The following NBPF9 variants were observed in gnomAD, a reference collection of about 807,000 sequenced individuals.
The protein encoded by NBPF9 is NBPF member 9.
A neutral mutation model predicts 97.8 loss-of-function variants in NBPF9; 91 were observed. The observed-to-expected ratio is 0.93, with a 90% CI of 0.79 to 1.11. The LOEUF (loss-of-function observed/expected upper bound fraction) is 1.11. Ranked by LOEUF, NBPF9 falls within the 50% of genes least tolerant of loss-of-function variation. The pLI is 0.00. For missense variants in NBPF9, 992 were observed against 939.5 expected (o/e 1.06, Z -0.73); for synonymous variants, 334 against 359.5 (o/e 0.93, Z 0.80).
chr1:149,087,248 A>G (rs2100327838), intron 5 of NBPF9, among the ~76,000 whole-genome samples: 59 of 147,172 alleles, frequency 4.0e-4, no homozygotes, highest in East Asian at 7.1e-4. Flanking sequence ...ATATATATAT[A>G]TGTGTGTGTG....
At position 149,082,416 on chromosome 1, in the gene NBPF9, G is replaced by A. The variant is rs1322585978; in HGVS notation, c.-180C>T. The A allele has an allele frequency of 9.7e-5, 96 of 990,228 alleles. No individual in the cohort carries two copies. Among genetic ancestry groups the A allele is most frequent in the African/African-American group, 9.6e-4 (55 of 57,438 alleles). The allele number at this position is 990,228 out of a possible 1,614,324, so 61.3% of individuals were successfully genotyped here. A position where few individuals can be genotyped will look rare whatever the true frequency, so the allele number is the denominator to read the frequency against. ...AAGAGTGAGGTAGATTGTGGCCAGC[G>A]TGCCAGGTAACCGTCTGCAGTTGCA... On this transcript the variant is annotated 5_prime_UTR_variant, in exon 6 of 30. The change creates a new upstream start codon in the 5' untranslated region. Coordinates refer to ENST00000584027, the Ensembl canonical transcript of NBPF9.
At chr1:149,071,359 C>G (rs2079393931) in intron 15 of NBPF9, among the ~76,000 whole-genome samples, 1 of 151,072 alleles carries the variant, frequency 6.6e-6, no homozygotes. Context: ...GTTCATTGCA[C>G]TGGACAGATA....
intron 5 of NBPF9, among the ~76,000 whole-genome samples, chr1:149,088,334 ACAGT>A (rs2081181163): frequency 6.8e-6 from 1 of 147,580 alleles, no homozygotes; most frequent in Admixed American, 6.6e-5. Context: ...GTTAACAAAC[ACAGT>A]CATTATCTGT....
intron 23 of NBPF9, chr1:149,060,920 C>A (rs1207891042): frequency 3.2e-5 from 13 of 404,354 alleles, no homozygotes; most frequent in African/African-American, 1.9e-4. Flanking sequence ...CACACACACA[C>A]ACACAAACAC....
intron 16 of NBPF9, among the ~76,000 whole-genome samples, chr1:149,070,028 G>A (rs1333984531): frequency 3.0e-5 from 4 of 133,266 alleles, no homozygotes; most frequent in Non-Finnish European, 6.3e-5. Context: ...CATGAAACAC[G>A]ACTGATAGAT....
exon 22 of NBPF9, chr1:149,062,182 T>A: frequency 1.1e-6 from 1 of 932,310 alleles, no homozygotes; most frequent in Non-Finnish European, 1.8e-6. Context: ...CAGTTCAAGA[T>A]AACCTGAAGG....
At chr1:149,061,825 T>C in intron 22 of NBPF9, 1 of 331,092 alleles carries the variant, frequency 3.0e-6, no homozygotes, top group Non-Finnish European at 5.3e-6. Context: ...CTGTGAATTT[T>C]TTACATCTGC....
At chr1:149,076,522 A>G (rs1473221597) in intron 11 of NBPF9, among the ~76,000 whole-genome samples, 1 of 137,574 alleles carries the variant, frequency 7.3e-6, no homozygotes, top group East Asian at 2.1e-4. Context: ...TTTTTTTTTG[A>G]GATGGAGTCT....
rs375977262 is a variant in NBPF9 at position 149,070,459 on chromosome 1, G to A, written c.1585+475C>T. 4.0e-4 allele frequency among the ~76,000 whole-genome samples: 60 copies of A among 151,770 alleles called. 1 individual carries two copies. Among genetic ancestry groups the A allele is most frequent in the East Asian group, 2.2e-3 (11 of 5,108 alleles). On this transcript the variant is annotated intron_variant, in intron 16 of 29. Coordinates refer to ENST00000584027, the Ensembl canonical transcript of NBPF9. Reference sequence around the variant, plus strand: ...ACCAAAGTAAAGAAGAAAAGTTTCCGTCCTGATTTCAGGGTGACTGTGCAG... The same window carrying A: ...ACCAAAGTAAAGAAGAAAAGTTTCCATCCTGATTTCAGGGTGACTGTGCAG...
chr1:149,070,490 C>G (rs1371335930), intron 16 of NBPF9, among the ~76,000 whole-genome samples: 2 of 151,630 alleles, frequency 1.3e-5, no homozygotes, highest in East Asian at 4.0e-4. Flanking sequence ...TGCAGCTAAG[C>G]AAGCTGACTT....
chr1:149,072,687 T>C, intron 14 of NBPF9, 31 bp downstream of exon 14: 2 of 1,611,046 alleles, frequency 1.2e-6, no homozygotes, highest in Non-Finnish European at 1.7e-6. Flanking sequence ...AGCCTGGGGT[T>C]TTGGGTCAAC....
exon 30 of NBPF9, chr1:149,055,739 G>C (rs1553648658): frequency 2.5e-6 from 4 of 1,611,822 alleles, no homozygotes; most frequent in Non-Finnish European, 2.5e-6. Context: ...TCCACGTAAA[G>C]GGCGAAGCTG....
chr1:149,084,339 TATA>T (rs1332325335), intron 5 of NBPF9, among the ~76,000 whole-genome samples: 2 of 147,560 alleles, frequency 1.4e-5, no homozygotes, highest in African/African-American at 2.5e-5. Flanking sequence ...CATGAATATA[TATA>T]ATATATATAC....
intron 4 of NBPF9, among the ~76,000 whole-genome samples, chr1:149,097,053 G>A (rs1289587562): frequency 6.7e-6 from 1 of 148,394 alleles, no homozygotes; most frequent in African/African-American, 2.5e-5. Flanking sequence ...AGGAAAGAAT[G>A]GAGGGAGGGA....
rs1553652282 is a variant in NBPF9 at position 149,068,559 on chromosome 1, T to C, written c.1637+1035A>G. Among the ~76,000 whole-genome samples the C allele has an allele frequency of 1.3e-5, 2 of 151,608 alleles. 1 individual carries two copies. Among genetic ancestry groups the C allele is most frequent in the East Asian group, 3.9e-4 (2 of 5,110 alleles). ...CACTACATAATGGTAAAGGGATCAA[T>C]TCAACAGGAAGAGTTAACTATCCTA... On this transcript the variant is annotated intron_variant, in intron 17 of 29. Coordinates refer to ENST00000584027, the Ensembl canonical transcript of NBPF9.
chr1:149,101,406 TAGAGAATCTCC>T (rs2082135486), intron 2 of NBPF9, 27 bp from the exon 3 acceptor site: 1 of 146,346 alleles, frequency 6.8e-6, no homozygotes, highest in Non-Finnish European at 1.5e-5. Context: ...AAAAAAAAGT[TAGAGAATCTCC>T]ATTCATGAAT....
intron 5 of NBPF9, among the ~76,000 whole-genome samples, chr1:149,086,779 T>C (rs1219707063): frequency 6.6e-6 from 1 of 151,902 alleles, no homozygotes; most frequent in African/African-American, 2.4e-5. Flanking sequence ...AAGTCAAAAC[T>C]CTCTTCCTCC....
chr1:149,103,140 A>C, intron 1 of NBPF9, among the ~76,000 whole-genome samples, 161 bp downstream of exon 1: 1 of 151,614 alleles, frequency 6.6e-6, no homozygotes, highest in East Asian at 2.0e-4. Flanking sequence ...AACGCATGGA[A>C]CTTAAGCCCC....
chr1:149,064,061 A>C (rs1487559993), intron 19 of NBPF9, among the ~76,000 whole-genome samples: 1 of 136,912 alleles, frequency 7.3e-6, no homozygotes, highest in African/African-American at 2.9e-5. Context: ...TGATTTGGTC[A>C]GGTGACACAC....
Sources: gnomAD v4.1 joint callset for allele counts (sites outside exome capture counted in the v4.1 genomes callset) on GRCh38, gnomAD v4.1.1 for gene constraint, MANE v1.5 for transcripts, NCBI Gene and HGNC (gene_info 2026-07-23, HGNC 2026-07-21) for gene names.